Variants in IRAK1BP1 observed in about 807,000 individuals in gnomAD.
IRAK1BP1 encodes the protein interleukin-1 receptor-associated kinase 1-binding protein 1.
IRAK1BP1 carries 24 observed loss-of-function variants against 28.0 expected under a neutral mutation model. The ratio of observed to expected loss-of-function variants is 0.86; its 90% CI spans 0.62 to 1.20. The LOEUF (loss-of-function observed/expected upper bound fraction) is 1.20. Among genes scored for constraint, IRAK1BP1 ranks in the 50% most tolerant of loss-of-function variants. The probability of loss-of-function intolerance (pLI) is 0.00; values close to 1 mark genes in which losing one functional copy is unlikely to be tolerated. For missense variants in IRAK1BP1, 336 were observed against 316.7 expected, an observed-to-expected ratio of 1.06 and a Z score of -0.46; for synonymous variants, 131 against 116.3, an observed-to-expected ratio of 1.13 and a Z score of -0.81.
downstream of IRAK1BP1, among the ~76,000 whole-genome samples, chr6:78,906,099 C>CT (rs1399671887): frequency 6.6e-6 from 1 of 152,114 alleles, no homozygotes; most frequent in African/African-American, 2.4e-5. Flanking sequence ...TTAAAATTGA[C>CT]TAACATGATT....
chr6:78,876,259 C>A (rs556417227), intron 1 of IRAK1BP1, among the ~76,000 whole-genome samples: 13 of 152,298 alleles, frequency 8.5e-5, no homozygotes, highest in Admixed American at 8.5e-4. Context: ...GCCTTGCTTC[C>A]CCTTTGCCTT....
At chr6:78,913,219 C>G (rs1325936982) in intron 4 of IRAK1BP1, among the ~76,000 whole-genome samples, 1 of 151,910 alleles carries the variant, frequency 6.6e-6, no homozygotes. Flanking sequence ...CCTGTAGTCC[C>G]AGCTACTCGG....
intron 1 of IRAK1BP1, among the ~76,000 whole-genome samples, chr6:78,881,192 A>C (rs1483883821): frequency 6.6e-6 from 1 of 152,204 alleles, no homozygotes; most frequent in African/African-American, 2.4e-5. Context: ...TTCAGCAATA[A>C]AAAGGAATGA....
In IRAK1BP1 at chr6:78,924,868, C is replaced by G. The variant is rs1346920603; in HGVS notation, c.*68-20540C>G. Among the ~76,000 whole-genome samples the G allele has an allele frequency of 2.0e-5, 3 of 152,292 alleles. No individual in the cohort carries two copies. In the East Asian group the frequency reaches 5.8e-4, roughly 29 times the overall value. On this transcript the variant is annotated intron_variant and NMD_transcript_variant, in intron 4 of 4. Transcript: ENST00000606868. ...ATGTTGCTATAAAGAGACATGCACA[C>G]ATATGTTTATTGCGGCACTATTCAC... is the stretch of plus-strand genomic sequence containing the variant.
chr6:78,969,737 C>T, the IRAK1BP1 span: 1 of 566,610 alleles, frequency 1.8e-6, no homozygotes, highest in Admixed American at 3.6e-5. Flanking sequence ...AAAAAGATTT[C>T]TCTGATAATC....
rs1186907339 is a variant in IRAK1BP1 at position 78,928,328 on chromosome 6, A to G, written c.*68-17080A>G. Among the ~76,000 whole-genome samples, 8 of 152,262 alleles carry G rather than the reference A, an allele frequency of 5.3e-5. No individual in the cohort carries two copies. In the East Asian group the frequency reaches 1.3e-3, roughly 26 times the overall value. On this transcript the variant is annotated intron_variant and NMD_transcript_variant, in intron 4 of 4. Coordinates refer to the IRAK1BP1 transcript ENST00000606868. ...CTTTTTCGGATTGTTCACTGTTGGC[A>G]TACAGAAATGCTACTGATTTTTGTA...
intron 2 of IRAK1BP1, among the ~76,000 whole-genome samples, chr6:78,894,223 C>A (rs1480133761): frequency 6.6e-6 from 1 of 151,994 alleles, no homozygotes; most frequent in Non-Finnish European, 1.5e-5. Flanking sequence ...AATAACAAGA[C>A]CACAGGTTTA....
At chr6:78,896,783 C>T (rs965216280) in intron 2 of IRAK1BP1, among the ~76,000 whole-genome samples, 2 of 150,568 alleles carry the variant, frequency 1.3e-5, no homozygotes, top group African/African-American at 4.9e-5. Context: ...CGTGATCACA[C>T]CACTGCACTC....
intron 4 of IRAK1BP1, chr6:78,941,073 A>G (rs754089631): frequency 1.2e-6 from 2 of 1,614,108 alleles, no homozygotes; most frequent in East Asian, 2.2e-5. Flanking sequence ...TTAGTTTCAG[A>G]AAGAAAATTG....
the IRAK1BP1 span, among the ~76,000 whole-genome samples, chr6:78,979,072 C>G: frequency 3.3e-5 from 5 of 151,846 alleles, no homozygotes; most frequent in Admixed American, 1.3e-4. Context: ...AGGTCACATG[C>G]AAATACTATA....
the IRAK1BP1 span, chr6:78,969,799 C>T: frequency 6.0e-6 from 6 of 994,512 alleles, no homozygotes; most frequent in South Asian, 3.2e-5. Flanking sequence ...AAAAAAACCA[C>T]ATCAAACATC....
At chr6:78,867,960 ACAGGC>A in intron 1 of IRAK1BP1, 69 bp downstream of exon 1, 1 of 1,438,966 alleles carries the variant, frequency 6.9e-7, no homozygotes, top group African/African-American at 1.4e-5. Flanking sequence ...GTCGGGCCCC[ACAGGC>A]CCCCCTAGCG....
chr6:78,965,534 C>T, the IRAK1BP1 span, among the ~76,000 whole-genome samples: 1 of 152,168 alleles, frequency 6.6e-6, no homozygotes, highest in Non-Finnish European at 1.5e-5. Context: ...CTATCTTCTT[C>T]ACTGCTGAAT....
At chr6:78,929,599 G>A (rs946570330) in intron 4 of IRAK1BP1, among the ~76,000 whole-genome samples, 1 of 152,092 alleles carries the variant, frequency 6.6e-6, no homozygotes, top group Admixed American at 6.6e-5. Flanking sequence ...CTTGGTACCT[G>A]GATTATAGGA....
chr6:78,874,775 T>G (rs1304716240), intron 1 of IRAK1BP1, among the ~76,000 whole-genome samples: 1 of 152,236 alleles, frequency 6.6e-6, no homozygotes, highest in Non-Finnish European at 1.5e-5. Flanking sequence ...TTAAATGCTT[T>G]GTTTTTCTGT....
the IRAK1BP1 span, among the ~76,000 whole-genome samples, chr6:78,972,521 G>A: frequency 5.3e-5 from 8 of 152,232 alleles, no homozygotes; most frequent in African/African-American, 1.7e-4. Flanking sequence ...GAACAAAGCT[G>A]GACGCAGAAT....
intron 4 of IRAK1BP1, chr6:78,940,988 T>C (rs1223799787): frequency 6.2e-7 from 1 of 1,613,932 alleles, no homozygotes; most frequent in Non-Finnish European, 8.5e-7. Context: ...TGCATCTAAT[T>C]TTTGTGTCTT....
At chr6:78,972,525 G>A in the IRAK1BP1 span, among the ~76,000 whole-genome samples, 41 of 152,186 alleles carry the variant, frequency 2.7e-4, no homozygotes, top group Non-Finnish European at 2.6e-4. Context: ...AAAGCTGGAC[G>A]CAGAATGACT....
intron 4 of IRAK1BP1, among the ~76,000 whole-genome samples, chr6:78,918,263 CTCCA>C (rs1169576717): frequency 6.6e-6 from 1 of 152,024 alleles, no homozygotes; most frequent in Non-Finnish European, 1.5e-5. Flanking sequence ...TGCCACTGCA[CTCCA>C]TCCTGAGTGA....
Sources: allele counts gnomAD v4.1 joint callset (sites outside exome capture counted in the v4.1 genomes callset), GRCh38; gene constraint gnomAD v4.1.1; transcripts MANE v1.5; gene names NCBI Gene and HGNC (gene_info 2026-07-23, HGNC 2026-07-21).